The following AKAP6 variants were observed in gnomAD, a reference collection of about 807,000 sequenced individuals.
The protein encoded by AKAP6 is A-kinase anchoring protein 6.
A neutral mutation model predicts 188.5 loss-of-function variants in AKAP6; 58 were observed. The ratio of observed to expected loss-of-function variants is 0.31; its 90% confidence interval spans 0.25 to 0.38. The LOEUF is 0.38. Ranked by LOEUF, AKAP6 falls within the 10% of genes least tolerant of loss-of-function variation. The pLI, the probability that AKAP6 is intolerant of heterozygous loss-of-function variation, is 1.00. For missense variants in AKAP6, 2,710 were observed against 2,740.0 expected, an observed-to-expected ratio of 0.99 and a Z score of 0.24; for synonymous variants, 989 against 998.6, an observed-to-expected ratio of 0.99 and a Z score of 0.18.
At chr14:32,731,172 T>C (rs531966391) in intron 9 of AKAP6, among the ~76,000 whole-genome samples, 1 of 152,304 alleles carries the variant, frequency 6.6e-6, no homozygotes, top group African/African-American at 2.4e-5. Flanking sequence ...GTTTACATAA[T>C]ACAAGTGATG....
rs1292235560 is a variant in AKAP6 at position 32,741,030 on chromosome 14, T to TG, written c.3372+5148_3372+5149insG. 4.6e-3 allele frequency among the ~76,000 whole-genome samples: 694 copies of TG among 150,512 alleles called. 7 individuals carry two copies. Among genetic ancestry groups the TG allele is most frequent in the Non-Finnish European group, 7.5e-3 (506 of 67,436 alleles). Reference sequence around the variant, plus strand: ...TCTTTCCTTTTTTCTTTTTTTTTTTTTGTGTGTGTTCTCTTCAATTTCTTT... The same window carrying TG: ...TCTTTCCTTTTTTCTTTTTTTTTTTTGTGTGTGTGTTCTCTTCAATTTCTTT... On this transcript the variant is annotated intron_variant, in intron 11 of 13. Transcript: ENST00000280979.
rs763262545 is a variant in AKAP6, at chr14:32,831,623, C to T, written c.*1818C>T. ...AAAGCCCTGCCCTCAGAAGGCTGTC[C>T]TGCATTAGGAACAAGTGAACACGCA... On this transcript the variant is annotated 3_prime_UTR_variant, in exon 14 of 14. Coordinates refer to ENST00000280979, the MANE Select transcript of AKAP6 (RefSeq NM_004274.5). The T allele has an allele frequency of 2.0e-5, 3 of 152,152 alleles. No individual in the cohort carries two copies. The highest frequency in any genetic ancestry group is 4.8e-5 in the African/African-American group (2 of 41,426). The allele number at this position is 152,152 out of a possible 1,614,324, so 9.4% of individuals were successfully genotyped here.
At chr14:32,802,217 A>G (rs1282605586) in intron 12 of AKAP6, among the ~76,000 whole-genome samples, 2 of 152,142 alleles carry the variant, frequency 1.3e-5, no homozygotes, top group Non-Finnish European at 1.5e-5. Context: ...TAATTATGTT[A>G]TACCACTCAG....
At position 32,813,395 on chromosome 14, in the gene AKAP6, C is replaced by T. The variant is rs562823533; in HGVS notation, c.3589-8007C>T. Among the ~76,000 whole-genome samples, 18 of 119,652 alleles carry T rather than the reference C, an allele frequency of 1.5e-4. 2 individuals are homozygous for T. The highest frequency in any genetic ancestry group is 2.3e-4 in the African/African-American group (7 of 29,884). The allele number at this position is 119,652 out of a possible 152,430, so 78.5% of individuals were successfully genotyped here. A position where few individuals can be genotyped will look rare whatever the true frequency, so the allele number is the denominator to read the frequency against. On this transcript the variant is annotated intron_variant, in intron 12 of 13. Coordinates refer to ENST00000280979, the MANE Select transcript of AKAP6 (RefSeq NM_004274.5). ...AGTTTTCATCTCTAACCCTACCCCC[C>T]CCCCCAACCCCTTTCCCAGAGGTCC...
In AKAP6 at chr14:32,506,649, T is replaced by G. The variant is rs142954952; in HGVS notation, c.325-28905T>G. Among the ~76,000 whole-genome samples, 281 of 151,614 alleles carry G rather than the reference T, an allele frequency of 1.9e-3. 1 individual carries two copies. The highest frequency in any genetic ancestry group is 3.4e-3 in the Non-Finnish European group (229 of 67,898). Reference sequence around the variant, plus strand: ...CCTGAAGCCAGGATTTCAAGAACTATGACTTTTGTCATAGTTGGGATTACA... The same window carrying G: ...CCTGAAGCCAGGATTTCAAGAACTAGGACTTTTGTCATAGTTGGGATTACA... On this transcript the variant is annotated intron_variant, in intron 2 of 13. Coordinates refer to ENST00000280979, the MANE Select transcript of AKAP6 (RefSeq NM_004274.5).
intron 1 of AKAP6, among the ~76,000 whole-genome samples, chr14:32,347,138 A>G (rs1381073274): frequency 6.6e-6 from 1 of 152,248 alleles, no homozygotes; most frequent in African/African-American, 2.4e-5. Flanking sequence ...AGGATTCTGC[A>G]TCCTTTGTAT....
chr14:32,540,168 C>CTCTA (rs1240063339), intron 3 of AKAP6, among the ~76,000 whole-genome samples: 407 of 60,844 alleles, frequency 6.7e-3, no homozygotes, highest in Admixed American at 0.011. Flanking sequence ...CTCTCTCTCT[C>CTCTA]TATATATATA....
At chr14:32,331,537 G>A (rs1886535514) in intron 1 of AKAP6, among the ~76,000 whole-genome samples, 1 of 152,090 alleles carries the variant, frequency 6.6e-6, no homozygotes, top group South Asian at 2.1e-4. Context: ...GGAGAACAAA[G>A]CCCTGGTAAT....
intron 1 of AKAP6, among the ~76,000 whole-genome samples, chr14:32,416,073 G>T (rs544597223): frequency 6.6e-5 from 10 of 152,270 alleles, no homozygotes; most frequent in Non-Finnish European, 1.0e-4. Context: ...AAGGGGAATT[G>T]CTAGCCCATA....
At chr14:32,472,712 G>T (rs1040341808) in intron 2 of AKAP6, among the ~76,000 whole-genome samples, 2 of 152,148 alleles carry the variant, frequency 1.3e-5, no homozygotes, top group African/African-American at 4.8e-5. Flanking sequence ...GGCTCATTGT[G>T]CTCTGGCTGA....
At chr14:32,570,214 T>C (rs1195841143) in intron 4 of AKAP6, among the ~76,000 whole-genome samples, 2 of 133,606 alleles carry the variant, frequency 1.5e-5, no homozygotes, top group East Asian at 2.5e-4. Context: ...CACTGCAACC[T>C]CTGCCTCCTG....
chr14:32,464,859 C>T (rs181701417), intron 2 of AKAP6, among the ~76,000 whole-genome samples: 26 of 152,272 alleles, frequency 1.7e-4, no homozygotes, highest in East Asian at 1.5e-3. Flanking sequence ...ATTGTCTCAG[C>T]GCAGAAACTC....
At position 32,545,657 on chromosome 14, in the gene AKAP6, A is replaced by G; in HGVS notation, c.1004A>G (p.Asn335Ser). The G allele has an allele frequency of 1.9e-6, 3 of 1,614,124 alleles. No homozygotes were observed. The highest frequency in any genetic ancestry group is 2.5e-6 in the Non-Finnish European group (3 of 1,180,014). Residue 335 changes from asparagine to serine, a missense_variant, in exon 4 of 14, where the codon AAT (asparagine) becomes AGT (serine). Physicochemically the swap from Asn to Ser is conservative, Grantham distance 46 (BLOSUM62 1). This residue lies in a region of AKAP6 where 2,473 missense variants were observed against 2,426.1 expected (regional missense o/e 1.02). Coordinates refer to ENST00000280979, the MANE Select transcript of AKAP6 (RefSeq NM_004274.5). ...VSSSSGEALTNAAQPSSETVQ... is the reference protein window; with the variant it reads ...VSSSSGEALTSAAQPSSETVQ... The stretch of plus-strand genomic sequence containing the variant: ...TCATCTTCAGGAGAAGCTCTGACAA[A>G]TGCTGCTCAACCCTCCTCTGAGACT...
chr14:32,827,996 T>C (rs2034717182), intron 13 of AKAP6, among the ~76,000 whole-genome samples: 1 of 151,960 alleles, frequency 6.6e-6, no homozygotes, highest in South Asian at 2.1e-4. Context: ...TTTTGGGGGG[T>C]GGGTTGAGGA....
intron 9 of AKAP6, among the ~76,000 whole-genome samples, chr14:32,730,452 C>T (rs778510939): frequency 4.6e-5 from 7 of 151,954 alleles, no homozygotes; most frequent in Non-Finnish European, 7.4e-5. Flanking sequence ...AAATTAATTG[C>T]TTTTTATATT....
intron 8 of AKAP6, among the ~76,000 whole-genome samples, chr14:32,678,966 T>C (rs530296336): frequency 6.6e-6 from 1 of 152,310 alleles, no homozygotes; most frequent in South Asian, 2.1e-4. Context: ...TCTTGCATTA[T>C]CTATGGTATG....
intron 2 of AKAP6, among the ~76,000 whole-genome samples, chr14:32,440,425 C>T (rs959749920): frequency 6.6e-6 from 1 of 151,794 alleles, no homozygotes; most frequent in Non-Finnish European, 1.5e-5. Context: ...CGAACATATA[C>T]ATATGTAACA....
intron 2 of AKAP6, among the ~76,000 whole-genome samples, chr14:32,507,642 T>C (rs1880947578): frequency 6.6e-6 from 1 of 151,838 alleles, no homozygotes; most frequent in South Asian, 2.1e-4. Context: ...AGGCAACATA[T>C]AATTAAGTGC....
At chr14:32,495,266 GC>G (rs1880248766) in intron 2 of AKAP6, 1 of 152,202 alleles carries the variant, frequency 6.6e-6, no homozygotes, top group Admixed American at 6.5e-5. Context: ...CAAGATCTGG[GC>G]TTTCTCTGCT....
Sources: allele counts gnomAD v4.1 joint callset (sites outside exome capture counted in the v4.1 genomes callset), GRCh38; gene constraint gnomAD v4.1.1; regional missense constraint gnomAD v4.1.1; transcripts MANE v1.5; gene names NCBI Gene and HGNC (gene_info 2026-07-23, HGNC 2026-07-21).